Variants in HAVCR1 observed in about 807,000 individuals in gnomAD.
HAVCR1 encodes hepatitis A virus cellular receptor 1.
HAVCR1 carries 34 observed loss-of-function variants against 32.0 expected under a neutral mutation model. That is an observed-to-expected ratio of 1.06 (90% CI 0.81 to 1.42). The LOEUF (loss-of-function observed/expected upper bound fraction) is 1.42. Ranked by LOEUF, HAVCR1 falls within the 40% of genes most tolerant of loss-of-function variation. The probability of loss-of-function intolerance (pLI) is 0.00; values close to 1 mark genes in which losing one functional copy is unlikely to be tolerated. For missense variants in HAVCR1, 420 were observed against 442.3 expected, an observed-to-expected ratio of 0.95 and a Z score of 0.45; for synonymous variants, 178 against 170.3, an observed-to-expected ratio of 1.05 and a Z score of -0.35.
intron 7 of HAVCR1, among the ~76,000 whole-genome samples, chr5:157,033,243 G>C (rs976024606): frequency 6.6e-6 from 1 of 151,998 alleles, no homozygotes; most frequent in Non-Finnish European, 1.5e-5. Flanking sequence ...TAGATGAACT[G>C]GGTCATAAAG....
At chr5:157,069,373 G>T in the HAVCR1 span, among the ~76,000 whole-genome samples, 1 of 152,178 alleles carries the variant, frequency 6.6e-6, no homozygotes, top group Non-Finnish European at 1.5e-5. Flanking sequence ...TAGTTAGAAG[G>T]CGGTTTTCCA....
intron 4 of HAVCR1, among the ~76,000 whole-genome samples, chr5:157,050,456 T>C (rs1308792367): frequency 6.6e-6 from 1 of 152,198 alleles, no homozygotes; most frequent in Non-Finnish European, 1.5e-5. Context: ...AAGATAAATG[T>C]CCCTGCGTTC....
chr5:157,036,932 T>C (rs942854934), intron 7 of HAVCR1, among the ~76,000 whole-genome samples: 3 of 149,818 alleles, frequency 2.0e-5, no homozygotes, highest in African/African-American at 7.4e-5. Flanking sequence ...CACCATGTTG[T>C]TCAGGCTAGT....
At chr5:157,060,343 C>A (rs1349243070), upstream of HAVCR1, among the ~76,000 whole-genome samples, 1 of 152,154 alleles carries the variant, frequency 6.6e-6, no homozygotes, top group East Asian at 1.9e-4. Flanking sequence ...GACTCAGCCC[C>A]AGCTACTAGA....
intron 8 of HAVCR1, 69 bp from the exon 9 acceptor site, chr5:157,029,910 G>T (rs1292708193): frequency 3.0e-6 from 4 of 1,345,328 alleles, no homozygotes; most frequent in Admixed American, 2.0e-5. Flanking sequence ...CATATAAGCT[G>T]CACTTTTGTT....
At chr5:157,062,722 T>A (rs1756514256), upstream of HAVCR1, among the ~76,000 whole-genome samples, 1 of 152,210 alleles carries the variant, frequency 6.6e-6, no homozygotes, top group South Asian at 2.1e-4. Flanking sequence ...TTATTTTCCT[T>A]CACTTACTCC....
chr5:157,063,226 G>T (rs551826239), upstream of HAVCR1, among the ~76,000 whole-genome samples: 25 of 148,414 alleles, frequency 1.7e-4, no homozygotes, highest in Middle Eastern at 3.5e-3. Context: ...TGTTAGAAAT[G>T]ATCCTATTCA....
intron 5 of HAVCR1, among the ~76,000 whole-genome samples, chr5:157,045,014 A>T (rs190535609): frequency 1.3e-5 from 2 of 152,168 alleles, no homozygotes; most frequent in East Asian, 3.9e-4. Flanking sequence ...TCCACAGGGG[A>T]TATGTTCCAA....
chr5:157,041,015 C>T (rs34615648), intron 6 of HAVCR1, among the ~76,000 whole-genome samples: 1 of 152,112 alleles, frequency 6.6e-6, no homozygotes, highest in Non-Finnish European at 1.5e-5. Flanking sequence ...TACTAAAAGG[C>T]AGATTGTTTC....
At chr5:157,068,448 A>G in the HAVCR1 span, among the ~76,000 whole-genome samples, 1 of 151,924 alleles carries the variant, frequency 6.6e-6, no homozygotes, top group African/African-American at 2.4e-5. Context: ...TTAGCCGGGC[A>G]TGGTGATGCA....
intron 3 of HAVCR1, among the ~76,000 whole-genome samples, chr5:157,053,291 T>G (rs1431718581): frequency 6.8e-6 from 1 of 146,120 alleles, no homozygotes; most frequent in Non-Finnish European, 1.5e-5. Context: ...GGCTGAGGCA[T>G]AAGGATTGAT....
At chr5:157,066,055 TAAAAAA>T in the HAVCR1 span, among the ~76,000 whole-genome samples, 127 of 66,920 alleles carry the variant, frequency 1.9e-3, 2 homozygotes, top group African/African-American at 8.0e-3. Flanking sequence ...GACTCCGTCT[TAAAAAA>T]AAAAAAAAAA....
chr5:157,059,673 C>T (rs1291733365), upstream of HAVCR1, among the ~76,000 whole-genome samples: 1 of 152,016 alleles, frequency 6.6e-6, no homozygotes, highest in Non-Finnish European at 1.5e-5. Flanking sequence ...AAAACTCCAT[C>T]TCAAAAATAA....
At chr5:157,060,396 G>C (rs1007631039), upstream of HAVCR1, among the ~76,000 whole-genome samples, 2 of 151,972 alleles carry the variant, frequency 1.3e-5, no homozygotes, top group African/African-American at 2.4e-5. Context: ...CTTTTCCGTG[G>C]CTGTGTTCTC....
chr5:157,068,509 C>T, the HAVCR1 span, among the ~76,000 whole-genome samples: 4 of 152,030 alleles, frequency 2.6e-5, no homozygotes, highest in Non-Finnish European at 5.9e-5. Flanking sequence ...ATCGCTTGGG[C>T]CCAGGAGTTC....
At chr5:157,060,218 AAATAAT>A (rs200229739), upstream of HAVCR1, among the ~76,000 whole-genome samples, 10 of 150,752 alleles carry the variant, frequency 6.6e-5, no homozygotes, top group Admixed American at 1.3e-4. Context: ...TCTCTCAGAA[AAATAAT>A]AATAATAATA....
intron 7 of HAVCR1, among the ~76,000 whole-genome samples, chr5:157,034,465 C>A (rs1381770928): frequency 6.6e-6 from 1 of 151,534 alleles, no homozygotes; most frequent in Non-Finnish European, 1.5e-5. Context: ...GGTTTTACAC[C>A]GAGACATTCC....
intron 6 of HAVCR1, among the ~76,000 whole-genome samples, chr5:157,041,349 T>A (rs1167209107): frequency 6.6e-6 from 1 of 151,876 alleles, no homozygotes. Flanking sequence ...AACACAAAAA[T>A]TATCCAGGTA....
chr5:157,030,940 T>C (rs1754134585), intron 8 of HAVCR1, among the ~76,000 whole-genome samples: 1 of 151,874 alleles, frequency 6.6e-6, no homozygotes, highest in South Asian at 2.1e-4. Flanking sequence ...TGAGCTCAAA[T>C]GACTCAGTGT....
Sources: gnomAD v4.1 joint callset for allele counts (sites outside exome capture counted in the v4.1 genomes callset) on GRCh38, gnomAD v4.1.1 for gene constraint, MANE v1.5 for transcripts, NCBI Gene and HGNC (gene_info 2026-07-23, HGNC 2026-07-21) for gene names.